PTK2: variants seen among roughly 807,000 people sequenced by gnomAD.
PTK2 encodes the protein protein tyrosine kinase 2.
Under a neutral mutation model 150.1 loss-of-function variants are expected in PTK2, and 45 were observed. The ratio of observed to expected loss-of-function variants is 0.30; its 90% CI spans 0.24 to 0.38. The LOEUF (loss-of-function observed/expected upper bound fraction) is 0.38, where lower values mean the gene tolerates loss of function less well. Ranked by LOEUF, PTK2 falls within the 10% of genes least tolerant of loss-of-function variation. PTK2 has a pLI of 1.00. For missense variants in PTK2, 919 were observed against 1,307.3 expected (o/e 0.70, Z 4.58); for synonymous variants, 432 against 449.2 (o/e 0.96, Z 0.48).
At chr8:140,833,080 T>C (rs753511027) in intron 7 of PTK2, 10 of 518,748 alleles carry the variant, frequency 1.9e-5, no homozygotes, top group South Asian at 1.3e-4. Flanking sequence ...AAAAGTGTTG[T>C]ATGATTCAAG....
intron 29 of PTK2, among the ~76,000 whole-genome samples, chr8:140,671,685 G>A (rs183433294): frequency 0.034 from 5,179 of 151,010 alleles, 279 homozygotes; most frequent in African/African-American, 0.12. Flanking sequence ...AGGCCGAGGC[G>A]GGCGGATCAC....
intron 17 of PTK2, 53 bp from the exon 21 acceptor site, chr8:140,746,913 A>G: frequency 9.6e-7 from 1 of 1,045,062 alleles, no homozygotes; most frequent in Non-Finnish European, 1.4e-6. Context: ...TTTTTTTTAG[A>G]CGGAGTCTCA....
intron 8 of PTK2, chr8:140,822,006 C>G (rs1442937382): frequency 2.0e-5 from 3 of 152,204 alleles, no homozygotes; most frequent in African/African-American, 7.2e-5. Context: ...CTATGTAGGA[C>G]AGACTCTACA....
intron 3 of PTK2, among the ~76,000 whole-genome samples, chr8:140,884,764 T>C (rs751657327): frequency 1.6e-4 from 24 of 152,214 alleles, no homozygotes; most frequent in Non-Finnish European, 1.5e-4. Flanking sequence ...AGAAGGATGA[T>C]TTTAAATTGA....
At chr8:140,804,228 C>CTTTT (rs11449247) in intron 10 of PTK2, among the ~76,000 whole-genome samples, 1 of 147,212 alleles carries the variant, frequency 6.8e-6, no homozygotes, top group Non-Finnish European at 1.5e-5. Context: ...TTGGCTTCTT[C>CTTTT]TTTTTTTTTT....
intron 5 of PTK2, among the ~76,000 whole-genome samples, chr8:140,848,920 C>A (rs2100127353): frequency 6.6e-6 from 1 of 152,044 alleles, no homozygotes; most frequent in Admixed American, 6.5e-5. Context: ...TTACCAAATT[C>A]AATTAATCTT....
chr8:140,915,189 T>C (rs2100164762), intron 2 of PTK2, among the ~76,000 whole-genome samples: 1 of 151,914 alleles, frequency 6.6e-6, no homozygotes, highest in Non-Finnish European at 1.5e-5. Context: ...GTCAGGTATG[T>C]TAGATAGTGG....
At chr8:140,989,765 G>A (rs931107279) in intron 1 of PTK2, among the ~76,000 whole-genome samples, 8 of 151,854 alleles carry the variant, frequency 5.3e-5, no homozygotes, top group African/African-American at 1.5e-4. Flanking sequence ...AAAATTAGCC[G>A]GGTGTGATGG....
intron 1 of PTK2, chr8:140,954,830 C>T (rs1212836998): frequency 2.6e-5 from 4 of 151,970 alleles, no homozygotes; most frequent in African/African-American, 9.7e-5. Flanking sequence ...CCATTGCAGT[C>T]AGAGAGAACC....
chr8:141,001,763 G>A (rs1199046164), upstream of PTK2, among the ~76,000 whole-genome samples: 1 of 152,218 alleles, frequency 6.6e-6, no homozygotes, highest in Non-Finnish European at 1.5e-5. Flanking sequence ...GCGGGCCCCG[G>A]GCCTTGCAGT....
At chr8:140,669,317 A>ATT (rs1563952754) in intron 29 of PTK2, 1 of 131,640 alleles carries the variant, frequency 7.6e-6, no homozygotes, top group African/African-American at 3.0e-5. Flanking sequence ...ATATATATAT[A>ATT]TATATATATA....
At chr8:140,669,583 G>T in intron 29 of PTK2, 144 bp downstream of exon 33, 2 of 787,544 alleles carry the variant, frequency 2.5e-6, no homozygotes, top group Non-Finnish European at 4.0e-6. Context: ...CACTGCTTTT[G>T]GCATCTGTCA....
intron 5 of PTK2, among the ~76,000 whole-genome samples, chr8:140,854,543 T>C (rs1425851376): frequency 2.0e-5 from 3 of 152,232 alleles, no homozygotes; most frequent in Admixed American, 6.5e-5. Context: ...ATTAGCTTTA[T>C]TGTCAAACTC....
intron 7 of PTK2, among the ~76,000 whole-genome samples, chr8:140,843,487 T>C (rs2100123484): frequency 6.6e-6 from 1 of 152,134 alleles, no homozygotes; most frequent in African/African-American, 2.4e-5. Flanking sequence ...CAATTCACAT[T>C]ATTCTTTTTC....
chr8:140,769,500 T>C (rs2100074344), intron 14 of PTK2, 75 bp downstream of exon 16: 1 of 1,073,050 alleles, frequency 9.3e-7, no homozygotes, highest in South Asian at 1.5e-5. Context: ...TTGCCTTTCA[T>C]TAAATACTAA....
chr8:140,712,616 A>T (rs1460386484), intron 23 of PTK2, among the ~76,000 whole-genome samples: 1 of 152,192 alleles, frequency 6.6e-6, no homozygotes, highest in East Asian at 1.9e-4. Context: ...ACTTCTACTC[A>T]TGTGTGATTT....
At chr8:140,746,932 C>T (rs1565546425) in intron 17 of PTK2, 72 bp from the exon 21 acceptor site, 3 of 1,072,064 alleles carry the variant, frequency 2.8e-6, no homozygotes, top group Non-Finnish European at 2.7e-6. Context: ...CATTCTGTCA[C>T]CAGGCTGGAG....
chr8:140,769,720 T>TA (rs1421839637), intron 14 of PTK2, 128 bp from the exon 16 acceptor site: 86 of 462,512 alleles, frequency 1.9e-4, no homozygotes, highest in South Asian at 4.4e-4. Context: ...GTAAGAAAAA[T>TA]AAAAAACAAT....
chr8:140,822,350 TCA>T (rs10635359), intron 8 of PTK2: 93 of 149,338 alleles, frequency 6.2e-4, no homozygotes, highest in African/African-American at 1.7e-3. Context: ...AGGCGCTGAT[TCA>T]CACACACACA....
Sources: allele counts gnomAD v4.1 joint callset (sites outside exome capture counted in the v4.1 genomes callset), GRCh38; gene constraint gnomAD v4.1.1; transcripts MANE v1.5; gene names NCBI Gene and HGNC (gene_info 2026-07-23, HGNC 2026-07-21).